Variants in DDX46 observed in about 807,000 individuals in gnomAD.
DDX46 encodes the protein DEAD-box helicase 46, also known as probable ATP-dependent RNA helicase DDX46.
A neutral mutation model predicts 134.9 loss-of-function variants in DDX46; 30 were observed. That is an observed-to-expected ratio of 0.22 (90% CI 0.17 to 0.30). The LOEUF is 0.30. DDX46 is among the 10% of genes least tolerant of loss of function. The pLI, the probability that DDX46 is intolerant of heterozygous loss-of-function variation, is 1.00. For missense variants in DDX46, 622 were observed against 1,248.7 expected (o/e 0.50, Z 7.56); for synonymous variants, 415 against 404.1 (o/e 1.03, Z -0.32).
chr5:134,781,371 C>T (rs1580787303), intron 7 of DDX46, 125 bp downstream of exon 7: 1 of 712,880 alleles, frequency 1.4e-6, no homozygotes, highest in Non-Finnish European at 2.3e-6. Flanking sequence ...GAGAGACATT[C>T]TTGCTATTCT....
chr5:134,810,609 G>T, intron 16 of DDX46, among the ~76,000 whole-genome samples: 1 of 151,796 alleles, frequency 6.6e-6, no homozygotes, highest in East Asian at 1.9e-4. Context: ...CTCCCAAAGT[G>T]CTGGGATTAC....
intron 6 of DDX46, among the ~76,000 whole-genome samples, chr5:134,779,041 C>A (rs533971573): frequency 2.0e-5 from 3 of 151,916 alleles, no homozygotes; most frequent in East Asian, 3.9e-4. Flanking sequence ...GGATTACAGG[C>A]CCTTGCCACC....
chr5:134,770,199 ATTTTTTTTT>A (rs368105956), intron 3 of DDX46, among the ~76,000 whole-genome samples: 2 of 129,804 alleles, frequency 1.5e-5, no homozygotes, highest in Non-Finnish European at 3.3e-5. Flanking sequence ...GCCTGACCAA[ATTTTTTTTT>A]TTTTTTTTTT....
At chr5:134,824,513 A>G (rs1434757693) in intron 21 of DDX46, among the ~76,000 whole-genome samples, 1 of 152,138 alleles carries the variant, frequency 6.6e-6, no homozygotes, top group African/African-American at 2.4e-5. Flanking sequence ...CAGAAGGTAG[A>G]GGTTGCAGTG....
chr5:134,763,189 C>T (rs867160296), intron 1 of DDX46, among the ~76,000 whole-genome samples: 6 of 152,138 alleles, frequency 3.9e-5, no homozygotes, highest in South Asian at 2.1e-4. Context: ...ACTGTGAGCA[C>T]ATCACTGCAC....
At chr5:134,785,697 A>G (rs1754310881) in intron 11 of DDX46, 111 bp downstream of exon 11, 11 of 1,279,540 alleles carry the variant, frequency 8.6e-6, no homozygotes, top group Non-Finnish European at 1.2e-5. Flanking sequence ...TGCTTCTAAA[A>G]TCATTTAAAA....
At chr5:134,806,916 A>AT (rs1755004944) in intron 15 of DDX46, among the ~76,000 whole-genome samples, 1 of 152,142 alleles carries the variant, frequency 6.6e-6, no homozygotes, top group Non-Finnish European at 1.5e-5. Context: ...TGGATCATTT[A>AT]TTTAAGAGAT....
At chr5:134,818,429 A>G (rs909149031) in intron 20 of DDX46, among the ~76,000 whole-genome samples, 1 of 149,200 alleles carries the variant, frequency 6.7e-6, no homozygotes, top group Non-Finnish European at 1.5e-5. Context: ...GGGCCCGGTG[A>G]GGTGGCTCAC....
intron 18 of DDX46, among the ~76,000 whole-genome samples, chr5:134,815,497 A>G (rs1755261924): frequency 6.6e-6 from 1 of 152,004 alleles, no homozygotes; most frequent in Non-Finnish European, 1.5e-5. Flanking sequence ...TCACGAGGTC[A>G]GGAGATGAGA....
intron 6 of DDX46, among the ~76,000 whole-genome samples, chr5:134,779,218 G>A (rs1016375757): frequency 2.0e-5 from 3 of 151,128 alleles, no homozygotes; most frequent in South Asian, 4.2e-4. Flanking sequence ...TTTTGAGATG[G>A]AGTCTTGCTC....
intron 15 of DDX46, among the ~76,000 whole-genome samples, chr5:134,803,311 T>A (rs1489432426): frequency 1.3e-5 from 2 of 152,064 alleles, no homozygotes; most frequent in Non-Finnish European, 2.9e-5. Flanking sequence ...CTCTGAATTT[T>A]TTTTTTTCAT....
At chr5:134,786,216 G>A (rs988118503) in intron 11 of DDX46, among the ~76,000 whole-genome samples, 2 of 152,072 alleles carry the variant, frequency 1.3e-5, no homozygotes, top group Non-Finnish European at 2.9e-5. Context: ...TAGCTTGATT[G>A]TGTTCATCAT....
In DDX46 at chr5:134,783,636, G is replaced by C. The variant is rs1303588171; in HGVS notation, c.1166+571G>C. Among the ~76,000 whole-genome samples, 4 of 128,420 alleles carry C rather than the reference G, an allele frequency of 3.1e-5. No individual in the cohort carries two copies. The East Asian group carries it at 1.0e-3, about 33-fold the overall frequency. 84.2% of individuals were successfully genotyped at this position (128,420 alleles called of 152,430 possible). On this transcript the variant is annotated intron_variant, in intron 9 of 22. Coordinates refer to ENST00000452510, the MANE Select transcript of DDX46 (RefSeq NM_001300860.2). ...TCGATCTTGGCTCACTGCAACCTCC[G>C]CCTCTTGGGTTCAAGTGATACTTTT...
chr5:134,780,238 G>A (rs549072803), intron 6 of DDX46, among the ~76,000 whole-genome samples: 16 of 150,338 alleles, frequency 1.1e-4, no homozygotes, highest in African/African-American at 3.9e-4. Flanking sequence ...GCGTATATGT[G>A]TATATATTAT....
chr5:134,804,189 G>A (rs72800347), intron 15 of DDX46, among the ~76,000 whole-genome samples: 2,662 of 152,136 alleles, frequency 0.017, 54 homozygotes, highest in Non-Finnish European at 0.029. Flanking sequence ...AATTACAGAC[G>A]TGTGTCCTAG....
intron 7 of DDX46, 52 bp from the exon 8 acceptor site, chr5:134,781,869 A>G: frequency 4.0e-6 from 6 of 1,517,148 alleles, no homozygotes; most frequent in Admixed American, 2.2e-5. Flanking sequence ...GCTTCCCACA[A>G]GGGGAAAATA....
At chr5:134,817,741 T>A in intron 20 of DDX46, 27 bp downstream of exon 20, 1 of 1,584,086 alleles carries the variant, frequency 6.3e-7, no homozygotes, top group Non-Finnish European at 8.6e-7. Context: ...AACCTTTTTT[T>A]ATTGTGAAGT....
Position 134,830,169 on chromosome 5 carries a change from GAAAAAAA to G in DDX46, c.*1472_*1478del, listed in dbSNP as rs57416807. 1.1e-4 allele frequency: 6 copies of G among 55,302 alleles called. No homozygotes were observed. The highest frequency in any genetic ancestry group is 9.4e-4 in the East Asian group (2 of 2,122). The allele number at this position is 55,302 out of a possible 1,614,324, so 3.4% of individuals were successfully genotyped here. The stretch of plus-strand genomic sequence containing the variant: ...TTAAACCAACCACAGATCAAAAATA[GAAAAAAA>G]AAAAAAAAGAAAAAAAGAATGTAAA... On this transcript the variant is annotated 3_prime_UTR_variant, in exon 23 of 23. Coordinates refer to ENST00000452510, the MANE Select transcript of DDX46 (RefSeq NM_001300860.2).
chr5:134,827,545 T>C (rs1458501374), intron 22 of DDX46, among the ~76,000 whole-genome samples: 2 of 152,224 alleles, frequency 1.3e-5, no homozygotes, highest in African/African-American at 4.8e-5. Context: ...AGTGCTGGGA[T>C]TACAGGCGTG....
Sources: gnomAD v4.1 joint callset for allele counts (sites outside exome capture counted in the v4.1 genomes callset) on GRCh38, gnomAD v4.1.1 for gene constraint, MANE v1.5 for transcripts, NCBI Gene and HGNC (gene_info 2026-07-23, HGNC 2026-07-21) for gene names.